The following STX8 variants were observed in gnomAD, a reference collection of about 807,000 sequenced individuals.
The protein encoded by STX8 is syntaxin 8.
In STX8, 23 loss-of-function variants were observed where a neutral mutation model predicts 37.5. The observed-to-expected ratio is 0.61, with a 90% CI of 0.44 to 0.87. The LOEUF is 0.87. Ranked by LOEUF, STX8 falls within the 40% of genes least tolerant of loss-of-function variation. The pLI, the probability that STX8 is intolerant of heterozygous loss-of-function variation, is 0.00. For synonymous variants in STX8, 115 were observed against 99.1 expected (o/e 1.16, Z -0.95); for missense variants, 313 against 284.7 (o/e 1.10, Z -0.71).
intron 6 of STX8, among the ~76,000 whole-genome samples, chr17:9,476,449 CTTTT>C (rs539953464): frequency 1.2e-4 from 18 of 147,634 alleles, no homozygotes; most frequent in African/African-American, 3.5e-4. Flanking sequence ...TTCTTCTTTT[CTTTT>C]TTTTTTCTTT....
chr17:9,450,578 C>T (rs1905008993), intron 6 of STX8, among the ~76,000 whole-genome samples: 1 of 151,914 alleles, frequency 6.6e-6, no homozygotes, highest in Non-Finnish European at 1.5e-5. Flanking sequence ...GCGAAGCATG[C>T]AGCTGCGCCT....
intron 7 of STX8, among the ~76,000 whole-genome samples, chr17:9,374,144 C>T (rs1009905071): frequency 6.0e-5 from 9 of 150,630 alleles, no homozygotes; most frequent in African/African-American, 1.5e-4. Flanking sequence ...TGCAGCGGCA[C>T]GATCGCGGCT....
intron 7 of STX8, among the ~76,000 whole-genome samples, chr17:9,308,274 C>G (rs1330129529): frequency 6.6e-6 from 1 of 152,144 alleles, no homozygotes; most frequent in African/African-American, 2.4e-5. Flanking sequence ...TAGGGCAGGA[C>G]CCCTTTGGAA....
intron 4 of STX8, among the ~76,000 whole-genome samples, chr17:9,536,301 G>A (rs141512612): frequency 7.4e-4 from 113 of 152,274 alleles, no homozygotes; most frequent in African/African-American, 2.6e-3. Flanking sequence ...AGGGAAAGCC[G>A]ACATCGAGTA....
intron 1 of STX8, among the ~76,000 whole-genome samples, chr17:9,574,712 T>C (rs1907827378): frequency 6.6e-6 from 1 of 152,144 alleles, no homozygotes; most frequent in East Asian, 1.9e-4. Flanking sequence ...TTTTGTATTT[T>C]TAGTAGAGAC....
intron 7 of STX8, among the ~76,000 whole-genome samples, chr17:9,293,906 C>T (rs1452842919): frequency 6.6e-6 from 1 of 150,754 alleles, no homozygotes; most frequent in East Asian, 2.0e-4. Flanking sequence ...GGACTACAGG[C>T]ACCCGCCACC....
At chr17:9,268,988 C>G (rs554612277) in intron 7 of STX8, among the ~76,000 whole-genome samples, 29 of 152,118 alleles carry the variant, frequency 1.9e-4, no homozygotes, top group Non-Finnish European at 2.5e-4. Context: ...CAGATCGAGA[C>G]CATCCTGGCT....
intron 6 of STX8, among the ~76,000 whole-genome samples, chr17:9,481,070 G>A (rs1906318968): frequency 6.6e-6 from 1 of 152,112 alleles, no homozygotes; most frequent in South Asian, 2.1e-4. Context: ...ATTTTTAGTA[G>A]AGACAGGTTT....
At chr17:9,406,971 C>T (rs1422276399) in intron 6 of STX8, among the ~76,000 whole-genome samples, 2 of 152,250 alleles carry the variant, frequency 1.3e-5, no homozygotes, top group East Asian at 3.9e-4. Context: ...GCTGCTTCTC[C>T]TAAGCTGCCT....
intron 6 of STX8, among the ~76,000 whole-genome samples, chr17:9,481,945 A>C (rs548082683): frequency 1.5e-4 from 23 of 152,302 alleles, no homozygotes; most frequent in African/African-American, 5.5e-4. Context: ...ACTGTCTTCC[A>C]CAAAACTGGT....
At chr17:9,261,255 C>T (rs575419532) in intron 7 of STX8, among the ~76,000 whole-genome samples, 16 of 152,306 alleles carry the variant, frequency 1.1e-4, no homozygotes, top group Admixed American at 3.9e-4. Context: ...TGAGACCTCA[C>T]GGCCCGGCCA....
At chr17:9,336,782 G>GA (rs1383437959) in intron 7 of STX8, among the ~76,000 whole-genome samples, 3 of 150,748 alleles carry the variant, frequency 2.0e-5, no homozygotes, top group East Asian at 2.0e-4. Flanking sequence ...AATATAGCTA[G>GA]AAAAAAAAAG....
chr17:9,447,315 G>A (rs762727055), intron 6 of STX8, among the ~76,000 whole-genome samples: 21 of 152,328 alleles, frequency 1.4e-4, no homozygotes, highest in Non-Finnish European at 2.4e-4. Flanking sequence ...AATGAAGTGT[G>A]TGCACAATAC....
At chr17:9,253,887 ACACACAT>A (rs1015377547) in intron 7 of STX8, among the ~76,000 whole-genome samples, 2 of 152,168 alleles carry the variant, frequency 1.3e-5, no homozygotes, top group African/African-American at 4.8e-5. Flanking sequence ...GAAGAAGAAA[ACACACAT>A]CTGGTTTTGG....
At chr17:9,467,394 C>A (rs780557180) in intron 6 of STX8, 4 of 152,224 alleles carry the variant, frequency 2.6e-5, no homozygotes, top group Non-Finnish European at 5.9e-5. Flanking sequence ...AGCTTCAGGA[C>A]TGCAACAGTG....
intron 4 of STX8, among the ~76,000 whole-genome samples, chr17:9,542,176 T>C (rs577070058): frequency 6.7e-6 from 1 of 150,308 alleles, no homozygotes; most frequent in South Asian, 2.1e-4. Context: ...CTGGCCAACA[T>C]GGTAAAACCT....
chr17:9,572,766 C>A (rs975910884), intron 1 of STX8, among the ~76,000 whole-genome samples: 3 of 152,064 alleles, frequency 2.0e-5, no homozygotes, highest in African/African-American at 7.2e-5. Context: ...ATCAGCGACC[C>A]ATTTTGTGCT....
At chr17:9,544,270 A>G (rs77781632) in intron 4 of STX8, among the ~76,000 whole-genome samples, 1,704 of 152,298 alleles carry the variant, frequency 0.011, 36 homozygotes, top group African/African-American at 0.038. Context: ...AGGAAGTTCT[A>G]GAAACAGGGG....
chr17:9,531,361 A>G (rs912679444), intron 4 of STX8, among the ~76,000 whole-genome samples: 2 of 152,208 alleles, frequency 1.3e-5, no homozygotes, highest in African/African-American at 2.4e-5. Flanking sequence ...CTAAATCTAT[A>G]AATCAATCTT....
Sources: gnomAD v4.1 joint callset for allele counts (sites outside exome capture counted in the v4.1 genomes callset) on GRCh38, gnomAD v4.1.1 for gene constraint, MANE v1.5 for transcripts, NCBI Gene and HGNC (gene_info 2026-07-23, HGNC 2026-07-21) for gene names.